TMEM163: variants seen among roughly 807,000 people sequenced by gnomAD.
The protein encoded by TMEM163 is transmembrane protein 163.
In TMEM163, 17 loss-of-function variants were observed where a neutral mutation model predicts 29.3. The observed-to-expected ratio is 0.58, with a 90% CI of 0.40 to 0.87. TMEM163 has a LOEUF of 0.87. TMEM163 is among the 40% of genes least tolerant of loss of function. The probability of loss-of-function intolerance (pLI) is 0.00; values close to 1 mark genes in which losing one functional copy is unlikely to be tolerated. For synonymous variants in TMEM163, 157 were observed against 160.6 expected (o/e 0.98, Z 0.17); for missense variants, 303 against 381.5 (o/e 0.79, Z 1.71).
chr2:134,649,285 A>G (rs572993668), intron 2 of TMEM163, among the ~76,000 whole-genome samples: 21 of 152,350 alleles, frequency 1.4e-4, no homozygotes, highest in African/African-American at 5.1e-4. Context: ...GAAATGTTCA[A>G]TGTCAACTAA....
intron 2 of TMEM163, among the ~76,000 whole-genome samples, chr2:134,566,802 A>C (rs1372640352): frequency 1.3e-5 from 2 of 152,238 alleles, no homozygotes; most frequent in Non-Finnish European, 2.9e-5. Flanking sequence ...TAACAACAAA[A>C]TATTAACCAC....
chr2:134,551,978 T>C, intron 3 of TMEM163, 70 bp downstream of exon 3: 1 of 1,304,218 alleles, frequency 7.7e-7, no homozygotes, highest in East Asian at 2.3e-5. Flanking sequence ...ATTTGAGGGC[T>C]CAGGGTGAGG....
intron 5 of TMEM163, among the ~76,000 whole-genome samples, chr2:134,490,426 A>T (rs1679404765): frequency 1.3e-5 from 2 of 152,128 alleles, no homozygotes; most frequent in African/African-American, 4.8e-5. Flanking sequence ...TCCTGAACAC[A>T]ACTGACCTTC....
intron 4 of TMEM163, among the ~76,000 whole-genome samples, chr2:134,511,950 C>T (rs1189803427): frequency 6.6e-6 from 1 of 152,114 alleles, no homozygotes; most frequent in East Asian, 1.9e-4. Context: ...TTGCTGAACA[C>T]GGATGGGGAA....
intron 2 of TMEM163, among the ~76,000 whole-genome samples, chr2:134,617,232 AT>A (rs1180475329): frequency 6.6e-6 from 1 of 152,208 alleles, no homozygotes; most frequent in Non-Finnish European, 1.5e-5. Context: ...GTTAGTATTA[AT>A]GCAAAGTAGA....
At chr2:134,581,412 T>C (rs1681690455) in intron 2 of TMEM163, among the ~76,000 whole-genome samples, 1 of 152,246 alleles carries the variant, frequency 6.6e-6, no homozygotes, top group Non-Finnish European at 1.5e-5. Flanking sequence ...CATGCTTATC[T>C]CTTTCAGAAC....
intron 5 of TMEM163, among the ~76,000 whole-genome samples, chr2:134,486,176 A>G (rs1470166051): frequency 6.6e-6 from 1 of 152,256 alleles, no homozygotes; most frequent in Admixed American, 6.5e-5. Context: ...AGCTCCTGAC[A>G]TAATTGAATA....
intron 2 of TMEM163, among the ~76,000 whole-genome samples, chr2:134,638,452 C>A (rs1683155022): frequency 6.6e-6 from 1 of 152,080 alleles, no homozygotes; most frequent in Non-Finnish European, 1.5e-5. Context: ...AGGGGGCTGG[C>A]AGGATCACAG....
At chr2:134,514,468 G>T (rs1243789755) in intron 4 of TMEM163, among the ~76,000 whole-genome samples, 2 of 145,616 alleles carry the variant, frequency 1.4e-5, no homozygotes, top group African/African-American at 5.1e-5. Flanking sequence ...AATTTGTTTT[G>T]GGCTCTGTGC....
At chr2:134,531,721 C>A (rs1424407579) in intron 4 of TMEM163, among the ~76,000 whole-genome samples, 1 of 152,186 alleles carries the variant, frequency 6.6e-6, no homozygotes, top group African/African-American at 2.4e-5. Flanking sequence ...CTGGGGTGCA[C>A]CACCCTCCAC....
chr2:134,705,972 A>G (rs1433784735), intron 2 of TMEM163, among the ~76,000 whole-genome samples: 3 of 152,198 alleles, frequency 2.0e-5, no homozygotes, highest in African/African-American at 7.2e-5. Context: ...CGACAGGGAC[A>G]CCGGGTGCTA....
At chr2:134,699,917 A>G (rs1289715655) in intron 2 of TMEM163, among the ~76,000 whole-genome samples, 1 of 152,148 alleles carries the variant, frequency 6.6e-6, no homozygotes, top group Non-Finnish European at 1.5e-5. Context: ...CACTAATTAA[A>G]TAGCTACATC....
intron 2 of TMEM163, among the ~76,000 whole-genome samples, chr2:134,619,771 A>G (rs1339529474): frequency 6.6e-6 from 1 of 152,238 alleles, no homozygotes; most frequent in Non-Finnish European, 1.5e-5. Flanking sequence ...GAGAAAAACT[A>G]TCTTTACAGA....
chr2:134,547,085 G>A lies in TMEM163; in HGVS notation c.458+3485C>T, dbSNP rs75409132. On this transcript the variant is annotated intron_variant, in intron 4 of 7. Transcript: ENST00000281924. ...CAATGGGTAGCATTTCAATTTTGCA[G>A]AATGAAAAAAGTTCTGGAGGTCTGT... is the stretch of plus-strand genomic sequence containing the variant. Among the ~76,000 whole-genome samples the A allele has an allele frequency of 1.0e-3, 155 of 152,228 alleles. 1 individual carries two copies. In the East Asian group the frequency reaches 0.026, roughly 26 times the overall value.
intron 2 of TMEM163, among the ~76,000 whole-genome samples, chr2:134,592,835 TACACATGTATATAG>T: frequency 2.1e-5 from 3 of 144,100 alleles, no homozygotes; most frequent in South Asian, 2.2e-4. Context: ...TATGCATATA[TACACATGTATATAG>T]AGATACAGAT....
At position 134,456,172 on chromosome 2, in the gene TMEM163, G is replaced by A. The variant is rs938534666; in HGVS notation, c.*544C>T. 6.5e-6 allele frequency: 1 copy of A among 153,432 alleles called. No individual in the cohort carries two copies. The highest frequency in any genetic ancestry group is 2.4e-5 in the African/African-American group (1 of 41,416). 9.5% of individuals were successfully genotyped at this position (153,432 alleles called of 1,614,324 possible). Reference sequence around the variant, plus strand: ...TTAAAAAATAGAATGGTCTCCTTTTGAGCAAATCTGTTTAGACTTAGGATT... The same window carrying A: ...TTAAAAAATAGAATGGTCTCCTTTTAAGCAAATCTGTTTAGACTTAGGATT... On this transcript the variant is annotated 3_prime_UTR_variant, in exon 8 of 8. Transcript: ENST00000281924.
At chr2:134,508,112 C>T (rs1679867037) in intron 4 of TMEM163, among the ~76,000 whole-genome samples, 1 of 152,166 alleles carries the variant, frequency 6.6e-6, no homozygotes, top group Admixed American at 6.5e-5. Flanking sequence ...CAGATCGAAA[C>T]TTTGGCCCCT....
At chr2:134,477,972 C>T (rs1053385877) in intron 5 of TMEM163, among the ~76,000 whole-genome samples, 14 of 152,126 alleles carry the variant, frequency 9.2e-5, no homozygotes. Context: ...GGGGCAGATC[C>T]CTCATGAATG....
chr2:134,566,638 G>A (rs1681306440), intron 2 of TMEM163, among the ~76,000 whole-genome samples: 1 of 152,106 alleles, frequency 6.6e-6, no homozygotes, highest in South Asian at 2.1e-4. Flanking sequence ...GTGTCAGTGG[G>A]GAAACCTCTT....
Sources: allele counts gnomAD v4.1 joint callset (sites outside exome capture counted in the v4.1 genomes callset), GRCh38; gene constraint gnomAD v4.1.1; transcripts MANE v1.5; gene names NCBI Gene and HGNC (gene_info 2026-07-23, HGNC 2026-07-21).